Variants in MORF4L1 observed in about 807,000 individuals in gnomAD.
MORF4L1 encodes mortality factor 4 like 1.
Under a neutral mutation model 52.9 loss-of-function variants are expected in MORF4L1, and 4 were observed. The ratio of observed to expected loss-of-function variants is 0.08; its 90% confidence interval spans 0.04 to 0.17. The LOEUF is 0.17. Among genes scored for constraint, MORF4L1 ranks in the 10% least tolerant of loss-of-function variants. MORF4L1 has a pLI of 1.00. For synonymous variants in MORF4L1, 123 were observed against 134.8 expected (o/e 0.91, Z 0.61); for missense variants, 214 against 390.4 (o/e 0.55, Z 3.81).
chr15:78,894,618 A>G (rs2056855156), intron 10 of MORF4L1: 2 of 530,062 alleles, frequency 3.8e-6, no homozygotes, highest in Non-Finnish European at 6.8e-6. Context: ...CACGTTCGCC[A>G]GGGTGGTCTT....
At chr15:78,892,181 G>T (rs1322535389) in intron 7 of MORF4L1, 31 bp from the exon 8 acceptor site, 5 of 1,517,470 alleles carry the variant, frequency 3.3e-6, no homozygotes, top group Admixed American at 1.7e-5. Flanking sequence ...AGAAAGGTTA[G>T]GTTTTTAATA....
chr15:78,891,101 A>G, intron 6 of MORF4L1, 87 bp downstream of exon 6: 1 of 1,367,368 alleles, frequency 7.3e-7, no homozygotes, highest in Non-Finnish European at 1.0e-6. Context: ...ATTTTGGAGT[A>G]AGCTTATGTT....
intron 3 of MORF4L1, among the ~76,000 whole-genome samples, chr15:78,884,341 G>A (rs115957851): frequency 0.16 from 24,039 of 152,010 alleles, 2,102 homozygotes; most frequent in East Asian, 0.26. Flanking sequence ...GTGAAACTCT[G>A]TCTCTACTAA....
chr15:78,875,062 A>C lies in MORF4L1; in HGVS notation c.40+2005A>C, dbSNP rs149184125. Among the ~76,000 whole-genome samples, 302 of 152,292 alleles carry C rather than the reference A, an allele frequency of 2.0e-3. 2 individuals carry two copies. The highest frequency in any genetic ancestry group is 6.9e-3 in the African/African-American group (287 of 41,558). ...AAATTAGGGTAGTTATTGTATTAGCAGCCAAGTCTTGTTTGTCCTGTAATG... is the reference window on the plus strand; with the variant it reads ...AAATTAGGGTAGTTATTGTATTAGCCGCCAAGTCTTGTTTGTCCTGTAATG... On this transcript the variant is annotated intron_variant, in intron 1 of 11. Coordinates refer to ENST00000426013, the MANE Select transcript of MORF4L1 (RefSeq NM_006791.4).
At chr15:78,887,445 A>G (rs965674767) in intron 5 of MORF4L1, 96 bp downstream of exon 5, 2 of 1,041,602 alleles carry the variant, frequency 1.9e-6, no homozygotes, top group East Asian at 2.6e-5. Context: ...AAACTTTGGA[A>G]CATTGTTGGA....
At chr15:78,873,153 C>T (rs182957241) in intron 1 of MORF4L1, 96 bp downstream of exon 1, 7 of 1,539,040 alleles carry the variant, frequency 4.5e-6, no homozygotes, top group African/African-American at 2.8e-5. Context: ...GCGGCGCGGG[C>T]TGCGCCCTGA....
In MORF4L1 at chr15:78,890,980, T is replaced by C; in HGVS notation, c.324-9T>C. ...AATAATTATTTTTCTTTTTTTTCTC[T>C]CCTTTTAGGAAAACGAAAAAGAACA... On this transcript the variant is annotated splice_polypyrimidine_tract_variant and intron_variant, in intron 5 of 11. Transcript: ENST00000426013. The C allele has an allele frequency of 6.9e-7, 1 of 1,452,636 alleles. No homozygotes were observed. The highest frequency in any genetic ancestry group is 1.3e-5 in the South Asian group (1 of 79,166). The allele number at this position is 1,452,636 out of a possible 1,614,324, so 90.0% of individuals were successfully genotyped here. A position where few individuals can be genotyped will look rare whatever the true frequency, so the allele number is the denominator to read the frequency against.
chr15:78,873,073 T>C lies in MORF4L1; in HGVS notation c.40+16T>C. The C allele has an allele frequency of 1.3e-6, 2 of 1,550,186 alleles. No individual in the cohort carries two copies. The highest frequency in any genetic ancestry group is 1.2e-5 in the South Asian group (1 of 83,974). On this transcript the variant is annotated intron_variant, in intron 1 of 11. Coordinates refer to ENST00000426013, the MANE Select transcript of MORF4L1 (RefSeq NM_006791.4). ...TTCCAGGAGGGTGAGTGTGCGCCTT[T>C]GGGAAAAAGGCACCTAACGGCGCAG...
chr15:78,884,918 T>C, intron 3 of MORF4L1: 1 of 1,368,794 alleles, frequency 7.3e-7, no homozygotes, highest in Non-Finnish European at 1.0e-6. Flanking sequence ...TGAGGCTCAA[T>C]TCTGCACCTG....
chr15:78,895,368 A>G (rs74904745), intron 11 of MORF4L1, among the ~76,000 whole-genome samples: 2 of 152,234 alleles, frequency 1.3e-5, no homozygotes. Flanking sequence ...ATTTACATCA[A>G]TGGCAGCACA....
intron 5 of MORF4L1, among the ~76,000 whole-genome samples, chr15:78,890,383 CTT>C (rs971816415): frequency 6.9e-6 from 1 of 145,888 alleles, no homozygotes; most frequent in African/African-American, 2.5e-5. Flanking sequence ...CCTTTGACAC[CTT>C]TTTTTTTTGG....
rs574967242 is a variant in MORF4L1, at chr15:78,875,331, G to A, written c.40+2274G>A. 2.0e-5 allele frequency among the ~76,000 whole-genome samples: 3 copies of A among 152,338 alleles called. No homozygotes were observed. The South Asian group carries it at 6.2e-4, about 32-fold the overall frequency. ...CAGAGATTTCCTTGTGCCGTTTTAA[G>A]TGGGGTAATTGGAGAAGAGTAGGAA... On this transcript the variant is annotated intron_variant, in intron 1 of 11. Coordinates refer to ENST00000426013, the MANE Select transcript of MORF4L1 (RefSeq NM_006791.4).
intron 5 of MORF4L1, chr15:78,887,567 A>G (rs1418699872): frequency 2.6e-6 from 1 of 389,794 alleles, no homozygotes; most frequent in Non-Finnish European, 4.6e-6. Context: ...GTGTATAAAT[A>G]TATGTGTGTG....
intron 2 of MORF4L1, among the ~76,000 whole-genome samples, chr15:78,880,140 T>C (rs1371456647): frequency 2.0e-5 from 3 of 152,262 alleles, no homozygotes; most frequent in Non-Finnish European, 4.4e-5. Flanking sequence ...TTTCATAAGC[T>C]AATGAAGTTT....
At chr15:78,896,042 G>A (rs1029956353) in intron 11 of MORF4L1, among the ~76,000 whole-genome samples, 1 of 151,964 alleles carries the variant, frequency 6.6e-6, no homozygotes, top group Non-Finnish European at 1.5e-5. Context: ...GCAGTGATGC[G>A]ATCACAGCTC....
At chr15:78,895,084 G>C (rs1226576857) in intron 11 of MORF4L1, among the ~76,000 whole-genome samples, 180 bp downstream of exon 11, 1 of 152,200 alleles carries the variant, frequency 6.6e-6, no homozygotes, top group Non-Finnish European at 1.5e-5. Context: ...ATGGTATATA[G>C]ATGATATATT....
At chr15:78,877,520 A>G (rs962955675) in intron 1 of MORF4L1, among the ~76,000 whole-genome samples, 1 of 152,202 alleles carries the variant, frequency 6.6e-6, no homozygotes, top group African/African-American at 2.4e-5. Flanking sequence ...AATGTGTGCA[A>G]AATCTTTCAA....
intron 5 of MORF4L1, among the ~76,000 whole-genome samples, chr15:78,888,143 G>C (rs1274791182): frequency 6.6e-6 from 1 of 152,196 alleles, no homozygotes; most frequent in African/African-American, 2.4e-5. Flanking sequence ...AGAAAGTCAT[G>C]TGCATGCATA....
chr15:78,879,709 A>T (rs1361052050), intron 2 of MORF4L1, among the ~76,000 whole-genome samples: 1 of 151,896 alleles, frequency 6.6e-6, no homozygotes, highest in Admixed American at 6.6e-5. Context: ...GAGCCAAAGC[A>T]GGAGGATCAC....
Sources: allele counts gnomAD v4.1 joint callset (sites outside exome capture counted in the v4.1 genomes callset), GRCh38; gene constraint gnomAD v4.1.1; transcripts MANE v1.5; gene names NCBI Gene and HGNC (gene_info 2026-07-23, HGNC 2026-07-21).